The following PGBD2 variants were observed in gnomAD, a reference collection of about 807,000 sequenced individuals.
PGBD2 encodes the protein piggyBac transposable element-derived protein 2.
Under a neutral mutation model 8.1 loss-of-function variants are expected in PGBD2, and 6 were observed. The ratio of observed to expected loss-of-function variants is 0.74; its 90% CI spans 0.40 to 1.46. PGBD2 has a LOEUF of 1.46. Ranked by LOEUF, PGBD2 falls within the 40% of genes most tolerant of loss-of-function variation. The probability of loss-of-function intolerance (pLI) is 0.02; values close to 1 mark genes in which losing one functional copy is unlikely to be tolerated. For missense variants in PGBD2, 802 were observed against 739.0 expected (o/e 1.09, Z -0.99); for synonymous variants, 318 against 272.2 (o/e 1.17, Z -1.66).
At chr1:248,923,003 T>C (rs187865289), downstream of PGBD2, among the ~76,000 whole-genome samples, 1 of 152,250 alleles carries the variant, frequency 6.6e-6, no homozygotes, top group East Asian at 1.9e-4. Context: ...CCTCTTTTTC[T>C]ATTGTTTGGA....
chr1:248,888,851 C>T, the PGBD2 span, among the ~76,000 whole-genome samples: 20 of 152,234 alleles, frequency 1.3e-4, no homozygotes, highest in African/African-American at 4.3e-4. Context: ...AGGTTTTCTT[C>T]TAGGATTTTT....
chr1:248,883,450 G>A, the PGBD2 span, among the ~76,000 whole-genome samples: 2 of 151,152 alleles, frequency 1.3e-5, no homozygotes, highest in South Asian at 2.1e-4. Flanking sequence ...GGAGTTATTT[G>A]TTTTTTGCTT....
the PGBD2 span, among the ~76,000 whole-genome samples, chr1:248,897,371 T>G: frequency 6.6e-6 from 1 of 151,820 alleles, no homozygotes; most frequent in African/African-American, 2.4e-5. Context: ...AGGTTATAAA[T>G]GACCCTGTCT....
At chr1:248,876,699 T>C in the PGBD2 span, among the ~76,000 whole-genome samples, 6 of 152,348 alleles carry the variant, frequency 3.9e-5, no homozygotes, top group East Asian at 1.2e-3. Context: ...TTTGTGACTT[T>C]ATCCGTATTT....
At position 248,916,838 on chromosome 1, in the gene PGBD2, G is replaced by A; in HGVS notation, c.254G>A (p.Gly85Asp). 1 of 1,614,120 alleles carries A rather than the reference G, an allele frequency of 6.2e-7. No homozygotes were observed. Among genetic ancestry groups the A allele is most frequent in the South Asian group, 1.1e-5 (1 of 91,078 alleles). ...LHASVLCEDSGTGEDNDDLEL... is the reference protein window; with the variant it reads ...LHASVLCEDSDTGEDNDDLEL... ...GCTTCAGTCCTGTGTGAGGACTCTG[G>A]CACCGGGGAGGATAATGACGACCTG... Residue 85 changes from glycine (G) to aspartate (D), a missense_variant, in exon 3 of 3, where the codon GGC becomes GAC. Transcript: ENST00000329291.
intron 1 of PGBD2, among the ~76,000 whole-genome samples, chr1:248,907,486 GGGCTGGGGGACGGTAA>G (rs1558284192): frequency 6.6e-6 from 1 of 152,184 alleles, no homozygotes; most frequent in East Asian, 1.9e-4. Context: ...GACGGGTGTC[GGGCTGGGGGACGGTAA>G]GGTCTTTCTC....
upstream of PGBD2, among the ~76,000 whole-genome samples, chr1:248,905,741 G>C (rs1488779943): frequency 6.6e-6 from 1 of 152,158 alleles, no homozygotes; most frequent in African/African-American, 2.4e-5. Context: ...GAATTATCCA[G>C]GCCCAAAATG....
the PGBD2 span, among the ~76,000 whole-genome samples, chr1:248,890,013 C>T: frequency 6.6e-6 from 1 of 151,554 alleles, no homozygotes; most frequent in East Asian, 1.9e-4. Context: ...CCACAACCTC[C>T]ACCTCCCGGG....
chr1:248,891,150 T>A, the PGBD2 span, among the ~76,000 whole-genome samples: 1 of 152,258 alleles, frequency 6.6e-6, no homozygotes, highest in Non-Finnish European at 1.5e-5. Flanking sequence ...CTCTGTCAGA[T>A]GTGTTGCTCC....
At chr1:248,904,211 C>A (rs1661580846), upstream of PGBD2, among the ~76,000 whole-genome samples, 2 of 151,858 alleles carry the variant, frequency 1.3e-5, no homozygotes, top group South Asian at 4.1e-4. Flanking sequence ...GCTTATTTAG[C>A]CTATTTCTCA....
downstream of PGBD2, among the ~76,000 whole-genome samples, chr1:248,920,778 T>C (rs1296818896): frequency 1.3e-5 from 2 of 152,240 alleles, no homozygotes; most frequent in Non-Finnish European, 2.9e-5. Context: ...AAAGCGTCCC[T>C]ATTTCTCCAC....
intron 1 of PGBD2, among the ~76,000 whole-genome samples, chr1:248,912,994 G>T (rs1661963719): frequency 6.6e-6 from 1 of 151,892 alleles, no homozygotes; most frequent in Non-Finnish European, 1.5e-5. Context: ...TAGACACGGG[G>T]TTTCTCCATG....
the PGBD2 span, among the ~76,000 whole-genome samples, chr1:248,876,024 T>C: frequency 2.9e-3 from 437 of 151,910 alleles, 13 homozygotes; most frequent in East Asian, 0.073. Context: ...TCCTTTTTCT[T>C]TGAGACGGAG....
rs1368217189 is a variant in PGBD2 at position 248,917,211 on chromosome 1, T to A, written c.627T>A (p.His209Gln). 6.2e-7 allele frequency: 1 copy of A among 1,614,198 alleles called. No homozygotes were observed. The highest frequency in any genetic ancestry group is 1.7e-5 in the Admixed American group (1 of 60,024). The change falls in exon 3 of 3, where the codon CAT becomes CAA. Residue 209 changes from histidine (H) to glutamine (Q), a missense_variant. Transcript: ENST00000329291. ...MFWETSPDSH[H>Q]HLVADAIRRD... ...GGGAAACCTCTCCCGATTCACATCA[T>A]CATCTTGTGGCTGATGCAATTAGAA...
intron 1 of PGBD2, among the ~76,000 whole-genome samples, chr1:248,907,542 C>G (rs1661702731): frequency 6.6e-6 from 1 of 152,292 alleles, no homozygotes; most frequent in Non-Finnish European, 1.5e-5. Flanking sequence ...CAGACTATCA[C>G]ATGGGGAGAA....
Position 248,918,440 on chromosome 1 carries a change from T to G in PGBD2, c.*77T>G. 1 of 1,426,100 alleles carries G rather than the reference T, an allele frequency of 7.0e-7. No individual in the cohort carries two copies. Among genetic ancestry groups the G allele is most frequent in the East Asian group, 2.4e-5 (1 of 41,972 alleles). The allele number at this position is 1,426,100 out of a possible 1,614,324, so 88.3% of individuals were successfully genotyped here. On this transcript the variant is annotated 3_prime_UTR_variant, in exon 3 of 3. Transcript: ENST00000329291. The stretch of plus-strand genomic sequence containing the variant: ...CAGATGGCAGTTGAGCACTTCTGTT[T>G]TGTGTTGGAAAAAAGACCTGAATTT...
downstream of PGBD2, among the ~76,000 whole-genome samples, chr1:248,922,242 G>A (rs954300875): frequency 2.6e-5 from 4 of 151,882 alleles, no homozygotes; most frequent in African/African-American, 9.7e-5. Flanking sequence ...TGTATTTTTG[G>A]TAGAGACGGG....
At chr1:248,895,032 T>C in the PGBD2 span, among the ~76,000 whole-genome samples, 1 of 152,132 alleles carries the variant, frequency 6.6e-6, no homozygotes, top group Admixed American at 6.6e-5. Context: ...CTCTAACTTC[T>C]AGTCTCAAGC....
chr1:248,918,064 G>C lies in PGBD2; in HGVS notation c.1480G>C (p.Ala494Pro), dbSNP rs1662181345. 6.2e-7 allele frequency: 1 copy of C among 1,614,078 alleles called. No individual in the cohort carries two copies. The highest frequency in any genetic ancestry group is 1.3e-5 in the African/African-American group (1 of 74,914). The change falls in exon 3 of 3, where the codon GCC becomes CCC. Residue 494 changes from alanine (A) to proline (P), a missense_variant. Transcript: ENST00000329291. Reference sequence around the variant, plus strand: ...CTTTATTGGCTATGTCATTGATGCTGCCCTCAACAATGCATGGCAGCTGCA... The same window carrying C: ...CTTTATTGGCTATGTCATTGATGCTCCCCTCAACAATGCATGGCAGCTGCA... The part of the protein sequence containing the change: ...SSFIGYVIDA[A>P]LNNAWQLHRI...
Sources: allele counts gnomAD v4.1 joint callset (sites outside exome capture counted in the v4.1 genomes callset), GRCh38; gene constraint gnomAD v4.1.1; transcripts MANE v1.5; gene names NCBI Gene and HGNC (gene_info 2026-07-23, HGNC 2026-07-21).